The following SGK1 variants were observed in gnomAD, a reference collection of about 807,000 sequenced individuals.
SGK1 encodes the protein serine/threonine-protein kinase Sgk1.
A neutral mutation model predicts 64.2 loss-of-function variants in SGK1; 26 were observed. The observed-to-expected ratio is 0.40, with a 90% CI of 0.30 to 0.56. SGK1 has a LOEUF of 0.56. SGK1 is among the 20% of genes least tolerant of loss of function. The pLI, the probability that SGK1 is intolerant of heterozygous loss-of-function variation, is 0.38. For synonymous variants in SGK1, 265 were observed against 239.7 expected, an observed-to-expected ratio of 1.11 and a Z score of -0.98; for missense variants, 519 against 645.6, an observed-to-expected ratio of 0.80 and a Z score of 2.12.
chr6:134,311,889 C>T (rs961116866), intron 1 of SGK1, among the ~76,000 whole-genome samples: 1 of 152,150 alleles, frequency 6.6e-6, no homozygotes, highest in Admixed American at 6.5e-5. Flanking sequence ...AAGCAGACTT[C>T]AGATTTGTTA....
chr6:134,235,164 T>A (rs1776343166), intron 2 of SGK1, among the ~76,000 whole-genome samples: 1 of 152,202 alleles, frequency 6.6e-6, no homozygotes, highest in Non-Finnish European at 1.5e-5. Flanking sequence ...ACAGTAAAGC[T>A]AACTAAATGT....
intron 3 of SGK1, among the ~76,000 whole-genome samples, chr6:134,176,849 C>T (rs187386873): frequency 7.8e-4 from 119 of 152,296 alleles, no homozygotes; most frequent in Admixed American, 2.4e-3. Context: ...AGCCCCAAAC[C>T]GAGAGAAGGG....
At chr6:134,240,290 T>C (rs1776423393) in intron 2 of SGK1, among the ~76,000 whole-genome samples, 2 of 35,678 alleles carry the variant, frequency 5.6e-5, no homozygotes, top group Non-Finnish European at 9.7e-5. Context: ...AGACTCCATC[T>C]CAAAAAAAAA....
At chr6:134,230,756 G>A (rs902720478) in intron 2 of SGK1, among the ~76,000 whole-genome samples, 8 of 152,204 alleles carry the variant, frequency 5.3e-5, no homozygotes, top group Admixed American at 6.5e-5. Flanking sequence ...GCTCATGCCT[G>A]TAATCCCAGC....
At chr6:134,248,304 G>C (rs1776555295) in intron 2 of SGK1, among the ~76,000 whole-genome samples, 1 of 152,092 alleles carries the variant, frequency 6.6e-6, no homozygotes, top group African/African-American at 2.4e-5. Flanking sequence ...AAACAGATCA[G>C]TACAAATCCA....
At chr6:134,255,623 C>A (rs149377329) in intron 2 of SGK1, among the ~76,000 whole-genome samples, 1 of 137,982 alleles carries the variant, frequency 7.2e-6, no homozygotes, top group African/African-American at 2.7e-5. Flanking sequence ...CTCTTGTCAC[C>A]TAGGCTGGAG....
At chr6:134,222,564 GACCTCAGGTGATCCACCC>G (rs952044493) in intron 2 of SGK1, among the ~76,000 whole-genome samples, 7 of 151,900 alleles carry the variant, frequency 4.6e-5, no homozygotes, top group African/African-American at 1.7e-4. Flanking sequence ...TCAAACTCCT[GACCTCAGGTGATCCACCC>G]ACCTCATCCT....
intron 3 of SGK1, chr6:134,175,936 G>T (rs1274040515): frequency 2.4e-5 from 28 of 1,171,634 alleles, no homozygotes; most frequent in Non-Finnish European, 2.8e-5. Context: ...GGAATGTGGA[G>T]GGGAGGGGGC....
At chr6:134,302,864 C>T (rs1259774952) in intron 1 of SGK1, among the ~76,000 whole-genome samples, 1 of 151,912 alleles carries the variant, frequency 6.6e-6, no homozygotes. Context: ...AAGCAATTCT[C>T]CTGCCTCAGC....
At chr6:134,209,783 T>A (rs985313522) in intron 2 of SGK1, among the ~76,000 whole-genome samples, 3 of 152,160 alleles carry the variant, frequency 2.0e-5, no homozygotes, top group African/African-American at 7.2e-5. Context: ...TTCAAGTGAT[T>A]CTCCTGCTTC....
intron 3 of SGK1, among the ~76,000 whole-genome samples, chr6:134,186,376 T>C (rs535364574): frequency 6.6e-6 from 1 of 152,258 alleles, no homozygotes. Context: ...AATACTGACA[T>C]AAAGTCAATA....
chr6:134,235,524 G>A (rs751421428), intron 2 of SGK1, among the ~76,000 whole-genome samples: 1 of 105,058 alleles, frequency 9.5e-6, no homozygotes, highest in Non-Finnish European at 1.9e-5. Flanking sequence ...CAAGGAGGAA[G>A]TGGAAAAAAT....
chr6:134,207,256 C>CA lies in SGK1; in HGVS notation c.361+99dup, dbSNP rs1429467523. 62 of 788,256 alleles carry CA rather than the reference C, an allele frequency of 7.9e-5. No individual in the cohort carries two copies. In the South Asian group the frequency reaches 8.0e-4, roughly 10 times the overall value. The allele number at this position is 788,256 out of a possible 1,614,324, so 48.8% of individuals were successfully genotyped here. On this transcript the variant is annotated intron_variant, in intron 3 of 13. Transcript: ENST00000367858. Reference sequence around the variant, plus strand: ...AAACAAAAAACAAAAAACAAACAAACAAAAAAATATTTCCCCCCAAACCTT... The same window carrying CA: ...AAACAAAAAACAAAAAACAAACAAACAAAAAAAATATTTCCCCCCAAACCTT...
At chr6:134,289,966 T>C (rs1456677893) in intron 1 of SGK1, among the ~76,000 whole-genome samples, 1 of 151,912 alleles carries the variant, frequency 6.6e-6, no homozygotes, top group Non-Finnish European at 1.5e-5. Flanking sequence ...CTTACCAACA[T>C]GGTGAAACCC....
intron 2 of SGK1, among the ~76,000 whole-genome samples, chr6:134,236,819 G>A (rs1002146144): frequency 6.7e-6 from 1 of 148,256 alleles, no homozygotes; most frequent in Non-Finnish European, 1.5e-5. Context: ...GCTACCTGTT[G>A]AGCTCCAATT....
At chr6:134,220,938 T>C (rs2114702097) in intron 2 of SGK1, among the ~76,000 whole-genome samples, 1 of 148,400 alleles carries the variant, frequency 6.7e-6, no homozygotes, top group South Asian at 2.1e-4. Context: ...GCCAAGATCA[T>C]GCCACAGCAC....
At chr6:134,234,616 G>A (rs1249508137) in intron 2 of SGK1, among the ~76,000 whole-genome samples, 1 of 152,176 alleles carries the variant, frequency 6.6e-6, no homozygotes, top group African/African-American at 2.4e-5. Context: ...GGTGGCTCAT[G>A]CCTGTAATCC....
At chr6:134,177,036 A>G (rs547873680) in intron 3 of SGK1, among the ~76,000 whole-genome samples, 3 of 152,336 alleles carry the variant, frequency 2.0e-5, no homozygotes, top group Non-Finnish European at 4.4e-5. Context: ...TAACATGGTG[A>G]AACCCCGTCT....
intron 1 of SGK1, among the ~76,000 whole-genome samples, chr6:134,314,431 G>C (rs1777648765): frequency 6.6e-6 from 1 of 152,158 alleles, no homozygotes; most frequent in Admixed American, 6.6e-5. Flanking sequence ...AAAAAGTCTG[G>C]ATTACGTATA....
Sources: allele counts gnomAD v4.1 joint callset (sites outside exome capture counted in the v4.1 genomes callset), GRCh38; gene constraint gnomAD v4.1.1; transcripts MANE v1.5; gene names NCBI Gene and HGNC (gene_info 2026-07-23, HGNC 2026-07-21).